Variants in MCMBP observed in about 807,000 individuals in gnomAD.
MCMBP encodes mini-chromosome maintenance complex-binding protein.
MCMBP carries 31 observed loss-of-function variants against 81.3 expected under a neutral mutation model. That is an observed-to-expected ratio of 0.38 (90% CI 0.29 to 0.51). The LOEUF is 0.51. Ranked by LOEUF, MCMBP falls within the 20% of genes least tolerant of loss-of-function variation. The pLI is 0.87. For missense variants in MCMBP, 645 were observed against 772.1 expected (o/e 0.84, Z 1.95); for synonymous variants, 267 against 275.9 (o/e 0.97, Z 0.32).
At chr10:119,832,314 C>A (rs1402654959) in intron 14 of MCMBP, among the ~76,000 whole-genome samples, 3 of 152,122 alleles carry the variant, frequency 2.0e-5, no homozygotes, top group Admixed American at 1.3e-4. Context: ...ACATATAAAT[C>A]AGCAACTGGC....
At chr10:119,851,651 G>C (rs1045379352) in intron 6 of MCMBP, among the ~76,000 whole-genome samples, 27 of 152,004 alleles carry the variant, frequency 1.8e-4, no homozygotes, top group African/African-American at 5.6e-4. Context: ...CAGGCTAGAT[G>C]ATAGACCATT....
intron 5 of MCMBP, among the ~76,000 whole-genome samples, chr10:119,854,531 CCT>C (rs1354915615): frequency 8.1e-6 from 1 of 124,106 alleles, no homozygotes; most frequent in African/African-American, 3.0e-5. Flanking sequence ...AGGGAGAGAC[CCT>C]GTCTCAAAAA....
At chr10:119,864,044 C>G (rs774229846) in intron 1 of MCMBP, among the ~76,000 whole-genome samples, 8 of 151,440 alleles carry the variant, frequency 5.3e-5, no homozygotes, top group African/African-American at 1.9e-4. Flanking sequence ...AATGTAATCA[C>G]AACGGTCCTT....
rs1393221509 is a variant in MCMBP at position 119,859,166 on chromosome 10, C to T, written c.160G>A (p.Glu54Lys). Reference sequence around the variant, plus strand: ...GGTTTCAAATAATGAAGGGGAACTTCGTTCAGTGATGGTACCTTAAAGGAA... The same window carrying T: ...GGTTTCAAATAATGAAGGGGAACTTTGTTCAGTGATGGTACCTTAAAGGAA... The part of the protein sequence containing the change: ...NAPKWVPSLN[E>K]VPLHYLKPNS... Residue 54 changes from glutamate (E) to lysine (K), a missense_variant, in exon 3 of 16, where the codon GAA (glutamate) becomes AAA (lysine). Transcript: ENST00000369077. 3.1e-6 allele frequency: 5 copies of T among 1,613,258 alleles called. No individual in the cohort carries two copies. Among genetic ancestry groups the T allele is most frequent in the Admixed American group, 1.7e-5 (1 of 59,888 alleles).
At chr10:119,848,562 G>A (rs999360659) in intron 7 of MCMBP, among the ~76,000 whole-genome samples, 11 of 152,070 alleles carry the variant, frequency 7.2e-5, no homozygotes, top group African/African-American at 2.2e-4. Flanking sequence ...GCAGTGAGCC[G>A]AGATCGTGCC....
chr10:119,850,192 A>G (rs1223254710), intron 6 of MCMBP, among the ~76,000 whole-genome samples: 1 of 152,176 alleles, frequency 6.6e-6, no homozygotes, highest in Non-Finnish European at 1.5e-5. Context: ...ACATGCAACA[A>G]TTGGGATGGA....
chr10:119,863,464 G>A (rs2061276318), intron 1 of MCMBP, among the ~76,000 whole-genome samples: 1 of 152,218 alleles, frequency 6.6e-6, no homozygotes, highest in South Asian at 2.1e-4. Flanking sequence ...AGGCGGGGTG[G>A]CTCACGCCTG....
In MCMBP at chr10:119,849,505, G is replaced by C. The variant is rs1287512288; in HGVS notation, c.646C>G (p.Leu216Val). ...GGAGAAGACAAGTTCAGAGAGTTCAGCTGTTGCCCAGTAGAAGCTTCAGTT... is the reference window on the plus strand; with the variant it reads ...GGAGAAGACAAGTTCAGAGAGTTCACCTGTTGCCCAGTAGAAGCTTCAGTT... ...LETEASTGQQ[L>V]NSLNLSSPFD... is the part of the protein sequence containing the mutation. The change falls in exon 7 of 16, where the codon CTG becomes GTG. Residue 216 changes from leucine to valine, a missense_variant. Leu to Val is a conservative substitution (Grantham distance 32). Coordinates refer to ENST00000369077, the MANE Select transcript of MCMBP (RefSeq NM_001256378.2). 6.2e-6 allele frequency: 10 copies of C among 1,610,232 alleles called. No individual in the cohort carries two copies. The highest frequency in any genetic ancestry group is 8.5e-6 in the Non-Finnish European group (10 of 1,178,920).
At chr10:119,862,291 G>C (rs1302937774) in intron 1 of MCMBP, among the ~76,000 whole-genome samples, 1 of 152,010 alleles carries the variant, frequency 6.6e-6, no homozygotes, top group Non-Finnish European at 1.5e-5. Flanking sequence ...TGGGCGACTA[G>C]AGTGAATCTT....
At chr10:119,835,039 A>G (rs542099890) in intron 14 of MCMBP, among the ~76,000 whole-genome samples, 162 of 152,314 alleles carry the variant, frequency 1.1e-3, no homozygotes, top group African/African-American at 3.8e-3. Flanking sequence ...AATAGTACAG[A>G]AGTCTTTTCC....
intron 11 of MCMBP, among the ~76,000 whole-genome samples, chr10:119,839,056 T>C (rs987581787): frequency 6.6e-5 from 10 of 152,200 alleles, no homozygotes; most frequent in African/African-American, 2.4e-4. Flanking sequence ...AAAATGTTAA[T>C]TTTACTCTTC....
At chr10:119,859,338 T>C (rs1002835997) in intron 2 of MCMBP, among the ~76,000 whole-genome samples, 157 bp from the exon 3 acceptor site, 2 of 151,936 alleles carry the variant, frequency 1.3e-5, no homozygotes, top group Admixed American at 6.6e-5. Flanking sequence ...ATGATCTCAA[T>C]GGTCAATATA....
intron 10 of MCMBP, 130 bp from the exon 11 acceptor site, chr10:119,841,090 T>G: frequency 1.5e-6 from 1 of 666,888 alleles, no homozygotes; most frequent in Non-Finnish European, 2.6e-6. Flanking sequence ...CCAGTTATTT[T>G]ATCAGAATAA....
At chr10:119,868,679 C>T (rs148904272) in intron 1 of MCMBP, among the ~76,000 whole-genome samples, 7 of 152,276 alleles carry the variant, frequency 4.6e-5, no homozygotes, top group African/African-American at 1.7e-4. Flanking sequence ...GCACTTTACA[C>T]ACTATTTTTC....
chr10:119,835,727 G>C (rs1301276583), intron 13 of MCMBP, 23 bp from the exon 14 acceptor site: 2 of 1,611,120 alleles, frequency 1.2e-6, no homozygotes, highest in East Asian at 4.5e-5. Context: ...GGAGTACACT[G>C]TATTTTCTGA....
intron 6 of MCMBP, among the ~76,000 whole-genome samples, chr10:119,850,874 GTTT>G (rs1284100421): frequency 2.3e-5 from 3 of 130,530 alleles, no homozygotes; most frequent in Non-Finnish European, 1.6e-5. Flanking sequence ...TACAAGATCT[GTTT>G]TTTTTTTTTT....
rs986571303 is a variant in MCMBP, at chr10:119,840,899, G to A, written c.1186C>T (p.Arg396Trp). 7 of 1,610,660 alleles carry A rather than the reference G, an allele frequency of 4.3e-6. No individual in the cohort carries two copies. The highest frequency in any genetic ancestry group is 1.7e-5 in the Admixed American group (1 of 59,540). The stretch of plus-strand genomic sequence containing the variant: ...AAGTGTTCTGTGAAGGTACTATTCC[G>A]TGGGCAACCACTCAAGTTAACTGTA... ...KFTVNLSGCP[R>W]NSTFTEHLYR... The change falls in exon 11 of 16, where the codon CGG (arginine) becomes TGG (tryptophan). Residue 396 changes from arginine to tryptophan, a missense_variant. By Grantham distance (101) the Arg-to-Trp change is moderately radical (BLOSUM62 -3). Transcript: ENST00000369077.
intron 1 of MCMBP, among the ~76,000 whole-genome samples, chr10:119,865,159 C>A (rs912451588): frequency 1.4e-5 from 2 of 147,900 alleles, no homozygotes; most frequent in African/African-American, 2.4e-5. Context: ...CCTATTTCTT[C>A]TTTTATTTCT....
intron 14 of MCMBP, among the ~76,000 whole-genome samples, chr10:119,833,730 C>T (rs1479648668): frequency 6.6e-6 from 1 of 152,056 alleles, no homozygotes; most frequent in Admixed American, 6.6e-5. Flanking sequence ...GTATGGCTCA[C>T]ACTTTGGGGA....
Sources: gnomAD v4.1 joint callset for allele counts (sites outside exome capture counted in the v4.1 genomes callset) on GRCh38, gnomAD v4.1.1 for gene constraint, MANE v1.5 for transcripts, NCBI Gene and HGNC (gene_info 2026-07-23, HGNC 2026-07-21) for gene names.